The following IFTAP variants were observed in gnomAD, a reference collection of about 807,000 sequenced individuals.
IFTAP encodes the protein intraflagellar transport-associated protein.
In IFTAP, 19 loss-of-function variants were observed where a neutral mutation model predicts 19.4. That is an observed-to-expected ratio of 0.98 (90% CI 0.68 to 1.44). The LOEUF (loss-of-function observed/expected upper bound fraction) is 1.44. Ranked by LOEUF, IFTAP falls within the 40% of genes most tolerant of loss-of-function variation. The pLI, the probability that IFTAP is intolerant of heterozygous loss-of-function variation, is 0.00. For missense variants in IFTAP, 240 were observed against 253.6 expected, an observed-to-expected ratio of 0.95 and a Z score of 0.36; for synonymous variants, 85 against 83.5, an observed-to-expected ratio of 1.02 and a Z score of -0.10.
intron 4 of IFTAP, among the ~76,000 whole-genome samples, chr11:36,639,648 T>C (rs1382891087): frequency 6.6e-6 from 1 of 151,882 alleles, no homozygotes; most frequent in East Asian, 1.9e-4. Flanking sequence ...ATCAGTTCTT[T>C]TGGGAACTAA....
chr11:36,652,405 A>T (rs554420757), intron 5 of IFTAP, among the ~76,000 whole-genome samples: 1 of 152,332 alleles, frequency 6.6e-6, no homozygotes, highest in East Asian at 1.9e-4. Flanking sequence ...TTGATTTTGT[A>T]TCCTGAGACT....
chr11:36,631,838 C>T (rs1852740420), intron 2 of IFTAP, among the ~76,000 whole-genome samples: 1 of 151,086 alleles, frequency 6.6e-6, no homozygotes, highest in Non-Finnish European at 1.5e-5. Context: ...CCTGTACTTG[C>T]TGTTGTCAGA....
chr11:36,636,185 A>G (rs1395185765), intron 4 of IFTAP, 68 bp downstream of exon 4: 2 of 1,247,334 alleles, frequency 1.6e-6, no homozygotes, highest in Non-Finnish European at 2.3e-6. Flanking sequence ...GGCTTTAGAC[A>G]GCTTTCCTGT....
intron 2 of IFTAP, among the ~76,000 whole-genome samples, chr11:36,619,223 G>T (rs1852209286): frequency 6.6e-6 from 1 of 151,884 alleles, no homozygotes. Flanking sequence ...TGTCATTTCA[G>T]CCAAAAGAAT....
chr11:36,604,386 G>A (rs531627362), intron 1 of IFTAP, among the ~76,000 whole-genome samples: 15 of 152,298 alleles, frequency 9.8e-5, no homozygotes, highest in African/African-American at 2.9e-4. Context: ...GAAGTGCAGC[G>A]TATACCTTGA....
intron 4 of IFTAP, among the ~76,000 whole-genome samples, chr11:36,638,534 C>A (rs1853056404): frequency 6.6e-6 from 1 of 152,164 alleles, no homozygotes. Context: ...TTTCATAATG[C>A]ACAATCTGGG....
At chr11:36,651,982 A>T (rs1439047243) in intron 5 of IFTAP, among the ~76,000 whole-genome samples, 2 of 152,184 alleles carry the variant, frequency 1.3e-5, no homozygotes, top group African/African-American at 4.8e-5. Context: ...GAAGTCAGGT[A>T]GCGTGATGCC....
intron 4 of IFTAP, among the ~76,000 whole-genome samples, chr11:36,636,615 A>G (rs546250175): frequency 6.6e-6 from 1 of 152,360 alleles, no homozygotes; most frequent in South Asian, 2.1e-4. Context: ...CACATGTAGA[A>G]TAAGATGCAA....
chr11:36,657,829 C>A (rs540765716), intron 5 of IFTAP, among the ~76,000 whole-genome samples: 53 of 152,296 alleles, frequency 3.5e-4, no homozygotes, highest in Non-Finnish European at 5.7e-4. Context: ...CATGGAAACC[C>A]AGTGGCAGTT....
intron 2 of IFTAP, among the ~76,000 whole-genome samples, chr11:36,619,112 T>A (rs1455546113): frequency 6.6e-6 from 1 of 151,894 alleles, no homozygotes; most frequent in East Asian, 1.9e-4. Context: ...ATTTCAGGAG[T>A]CTTTTAATTT....
chr11:36,616,872 A>T lies in IFTAP; in HGVS notation c.136+6633A>T, dbSNP rs1463152877. Among the ~76,000 whole-genome samples the T allele has an allele frequency of 5.9e-5, 7 of 119,622 alleles. No homozygotes were observed. The South Asian group carries it at 1.7e-3, about 30-fold the overall frequency. The allele number at this position is 119,622 out of a possible 152,430, so 78.5% of individuals were successfully genotyped here. On this transcript the variant is annotated intron_variant, in intron 2 of 5. Transcript: ENST00000334307. ...ACTTTAAATTAATTTAAATTTAAATAAAAAAACTGATATTCAATTCATTTA... is the reference window on the plus strand; with the variant it reads ...ACTTTAAATTAATTTAAATTTAAATTAAAAAACTGATATTCAATTCATTTA...
chr11:36,606,656 C>G (rs376445868), intron 1 of IFTAP, among the ~76,000 whole-genome samples: 11 of 152,242 alleles, frequency 7.2e-5, no homozygotes, highest in East Asian at 3.9e-4. Context: ...TCTATTAACA[C>G]TCTTAAAGCA....
At chr11:36,627,463 A>G (rs1043581785) in intron 2 of IFTAP, among the ~76,000 whole-genome samples, 12 of 151,306 alleles carry the variant, frequency 7.9e-5, no homozygotes, top group Non-Finnish European at 1.5e-4. Context: ...TGGCTCAAGA[A>G]CTAGGAGGAT....
chr11:36,644,045 A>C (rs150370772), intron 4 of IFTAP, among the ~76,000 whole-genome samples: 19,470 of 152,180 alleles, frequency 0.13, 1,577 homozygotes, highest in African/African-American at 0.22. Context: ...AGAAACTACC[A>C]TCAGAGTGAA....
chr11:36,604,419 T>A (rs1312601307), intron 1 of IFTAP, among the ~76,000 whole-genome samples: 6 of 152,196 alleles, frequency 3.9e-5, no homozygotes, highest in Non-Finnish European at 8.8e-5. Flanking sequence ...ATGTTTTTTA[T>A]TTCATCCTGA....
intron 1 of IFTAP, among the ~76,000 whole-genome samples, chr11:36,596,152 C>A (rs1206988083): frequency 2.6e-5 from 4 of 151,114 alleles, no homozygotes; most frequent in African/African-American, 9.8e-5. Context: ...ATCTTTATTC[C>A]TCCTGCAAAG....
chr11:36,658,907 G>T, intron 5 of IFTAP, 112 bp from the exon 6 acceptor site: 1 of 741,158 alleles, frequency 1.3e-6, no homozygotes, highest in Non-Finnish European at 2.0e-6. Flanking sequence ...AGCTGAGAGT[G>T]CTGAAGTCTG....
intron 1 of IFTAP, among the ~76,000 whole-genome samples, chr11:36,599,623 G>A (rs887614509): frequency 3.3e-5 from 5 of 151,898 alleles, no homozygotes; most frequent in Admixed American, 3.3e-4. Context: ...CAAAATTTTA[G>A]TGTATATTTT....
intron 4 of IFTAP, 132 bp from the exon 5 acceptor site, chr11:36,647,884 C>A: frequency 1.0e-6 from 1 of 996,780 alleles, no homozygotes; most frequent in South Asian, 1.7e-5. Context: ...CAAAGGAGGA[C>A]AGGCATTGTG....
Sources: gnomAD v4.1 joint callset for allele counts (sites outside exome capture counted in the v4.1 genomes callset) on GRCh38, gnomAD v4.1.1 for gene constraint, MANE v1.5 for transcripts, NCBI Gene and HGNC (gene_info 2026-07-23, HGNC 2026-07-21) for gene names.